Variants in TVP23A observed in about 807,000 individuals in gnomAD.
TVP23A encodes trans-golgi network vesicle protein 23 homolog A.
Under a neutral mutation model 31.7 loss-of-function variants are expected in TVP23A, and 21 were observed. The observed-to-expected ratio is 0.66, with a 90% confidence interval of 0.47 to 0.95. The LOEUF is 0.95. Among genes scored for constraint, TVP23A ranks in the 40% least tolerant of loss-of-function variants. TVP23A has a pLI of 0.00. For synonymous variants in TVP23A, 104 were observed against 96.0 expected (o/e 1.08, Z -0.49); for missense variants, 279 against 255.6 (o/e 1.09, Z -0.62).
At chr16:10,761,285 G>A in exon 9 of TVP23A, 2 of 1,319,856 alleles carry the variant, frequency 1.5e-6, no homozygotes, top group South Asian at 2.5e-5. Context: ...CCACTGCATT[G>A]CAGCCATCCC....
In TVP23A at chr16:10,769,114, A is replaced by C; in HGVS notation, c.*1-13T>G. 6.2e-7 allele frequency: 1 copy of C among 1,613,228 alleles called. No homozygotes were observed. Among genetic ancestry groups the C allele is most frequent in the Non-Finnish European group, 8.5e-7 (1 of 1,179,262 alleles). On this transcript the variant is annotated splice_polypyrimidine_tract_variant and intron_variant, in intron 7 of 7. Transcript: ENST00000299866. ...ACCTCATCAGTTCCTGAAACGAGAG[A>C]ATGTTCAGGACCAAGCAGTTACCGA...
intron 2 of TVP23A, among the ~76,000 whole-genome samples, chr16:10,799,158 A>G (rs1041153371): frequency 6.9e-4 from 105 of 152,346 alleles, no homozygotes; most frequent in African/African-American, 2.3e-3. Context: ...AGCTCTGAGC[A>G]ACCTCTGACT....
At chr16:10,807,797 G>A (rs2034012223) in intron 2 of TVP23A, among the ~76,000 whole-genome samples, 1 of 152,342 alleles carries the variant, frequency 6.6e-6, no homozygotes, top group East Asian at 1.9e-4. Context: ...AGCTCACGCT[G>A]AGTGTCTCGC....
chr16:10,780,641 C>G (rs1260077300), intron 2 of TVP23A, among the ~76,000 whole-genome samples: 1 of 152,150 alleles, frequency 6.6e-6, no homozygotes, highest in African/African-American at 2.4e-5. Context: ...CTTCCCTAAG[C>G]TACTTAACTC....
intron 2 of TVP23A, among the ~76,000 whole-genome samples, chr16:10,797,122 G>A (rs1007720031): frequency 2.0e-5 from 3 of 151,624 alleles, no homozygotes; most frequent in Non-Finnish European, 4.4e-5. Flanking sequence ...AGGGGAGGTC[G>A]AGGCTATAAT....
chr16:10,792,600 A>AAG (rs2033164815), intron 2 of TVP23A, among the ~76,000 whole-genome samples: 1 of 152,262 alleles, frequency 6.6e-6, no homozygotes, highest in Admixed American at 6.5e-5. Flanking sequence ...ACAAAGCAGA[A>AAG]AGGACTTAAG....
chr16:10,773,439 G>C lies in TVP23A; in HGVS notation c.327C>G (p.Val109=). Residue 109 remains valine (V), a splice_region_variant and synonymous_variant, in exon 5 of 8, where the codon GTC becomes GTG. Coordinates refer to ENST00000299866, the MANE Select transcript of TVP23A (RefSeq NM_001079512.4). ...CTGTGGCAGCAATGCTATTCGGAGA[G>C]ACCTGTTAAAGGAAAGTAATTCAAA... is the stretch of plus-strand genomic sequence containing the variant. The part of the protein sequence containing the change: ...KSHWIFEARK[V]SPNSIAATEA... 6.3e-7 allele frequency: 1 copy of C among 1,593,574 alleles called. No homozygotes were observed. The highest frequency in any genetic ancestry group is 8.5e-7 in the Non-Finnish European group (1 of 1,174,268).
At chr16:10,773,494 G>T in intron 4 of TVP23A, 53 bp from the exon 5 acceptor site, 1 of 1,535,352 alleles carries the variant, frequency 6.5e-7, no homozygotes, top group South Asian at 1.2e-5. Flanking sequence ...GGTTGCAAAC[G>T]AGCGTGCTCA....
intron 2 of TVP23A, among the ~76,000 whole-genome samples, chr16:10,778,470 G>A (rs2032213917): frequency 6.6e-6 from 1 of 152,268 alleles, no homozygotes; most frequent in Middle Eastern, 3.4e-3. Context: ...CTTGCCCCTG[G>A]AGATAAATAA....
chr16:10,790,928 A>G (rs2033068226), intron 2 of TVP23A, among the ~76,000 whole-genome samples: 1 of 152,092 alleles, frequency 6.6e-6, no homozygotes, highest in South Asian at 2.1e-4. Context: ...TTCCAATGGG[A>G]GGAGGGTAGA....
At chr16:10,786,140 G>T (rs2032737838) in intron 2 of TVP23A, among the ~76,000 whole-genome samples, 1 of 152,190 alleles carries the variant, frequency 6.6e-6, no homozygotes, top group Non-Finnish European at 1.5e-5. Context: ...GAATAGAATG[G>T]GAGGCAGGTT....
chr16:10,810,482 G>A (rs531624340), intron 2 of TVP23A, among the ~76,000 whole-genome samples: 2 of 151,738 alleles, frequency 1.3e-5, no homozygotes, highest in Non-Finnish European at 2.9e-5. Context: ...GGGAGGTGGA[G>A]GCTGCAGTGA....
chr16:10,816,492 C>A (rs1452952655), intron 2 of TVP23A, among the ~76,000 whole-genome samples: 2 of 152,036 alleles, frequency 1.3e-5, no homozygotes, highest in African/African-American at 4.8e-5. Context: ...TGCCACTACA[C>A]CCAGCTAATT....
At chr16:10,792,041 T>C (rs181683243) in intron 2 of TVP23A, among the ~76,000 whole-genome samples, 75 of 152,324 alleles carry the variant, frequency 4.9e-4, no homozygotes, top group African/African-American at 1.7e-3. Flanking sequence ...TCACACCTGA[T>C]CCAACCAATC....
intron 2 of TVP23A, among the ~76,000 whole-genome samples, chr16:10,816,244 A>G (rs1310897798): frequency 2.6e-5 from 4 of 151,750 alleles, no homozygotes; most frequent in South Asian, 2.1e-4. Flanking sequence ...AAAAAAAAAA[A>G]AAAAGAAATC....
intron 2 of TVP23A, among the ~76,000 whole-genome samples, chr16:10,811,903 CAAAA>C (rs763108313): frequency 2.4e-5 from 1 of 42,282 alleles, no homozygotes; most frequent in Non-Finnish European, 5.1e-5. Context: ...GACTCCGTCT[CAAAA>C]AAAAAAAAAA....
In TVP23A at chr16:10,777,220, G is replaced by C. The variant is rs113265291; in HGVS notation, c.90-2124C>G. Among the ~76,000 whole-genome samples, 778 of 152,246 alleles carry C rather than the reference G, an allele frequency of 5.1e-3. 9 individuals are homozygous for C. Among genetic ancestry groups the C allele is most frequent in the African/African-American group, 0.017 (720 of 41,540 alleles). ...GGACTCTTCCCAGCACCAGGCAGCT[G>C]TGCAAACCAGACCCAGTACTGCCAG... On this transcript the variant is annotated intron_variant, in intron 2 of 7. Transcript: ENST00000299866. This position sits in a 1 kb window ranked among gnomAD's most constrained non-coding sequence, Gnocchi z 4.5.
downstream of TVP23A, among the ~76,000 whole-genome samples, chr16:10,762,851 C>T (rs1282196047): frequency 2.0e-5 from 3 of 150,474 alleles, no homozygotes; most frequent in Non-Finnish European, 3.0e-5. Context: ...AGCCTGGAGG[C>T]GGGGAGGGCG....
intron 2 of TVP23A, among the ~76,000 whole-genome samples, chr16:10,796,033 CA>C (rs2033369057): frequency 6.6e-6 from 1 of 151,574 alleles, no homozygotes. Context: ...AACTCGCCTG[CA>C]AAGCAAAAAA....
Sources: allele counts gnomAD v4.1 joint callset (sites outside exome capture counted in the v4.1 genomes callset), GRCh38; gene constraint gnomAD v4.1.1; non-coding constraint Gnocchi (gnomAD v3.1); transcripts MANE v1.5; gene names NCBI Gene and HGNC (gene_info 2026-07-23, HGNC 2026-07-21).